The following PDE4B variants were observed in gnomAD, a reference collection of about 807,000 sequenced individuals.
The protein encoded by PDE4B is phosphodiesterase 4B, also known as 3',5'-cyclic-AMP phosphodiesterase 4B.
Under a neutral mutation model 82.2 loss-of-function variants are expected in PDE4B, and 20 were observed. The ratio of observed to expected loss-of-function variants is 0.24; its 90% CI spans 0.17 to 0.35. PDE4B has a LOEUF of 0.35. Among genes scored for constraint, PDE4B ranks in the 10% least tolerant of loss-of-function variants. The pLI is 1.00. For synonymous variants in PDE4B, 320 were observed against 318.9 expected (o/e 1.00, Z -0.04); for missense variants, 655 against 907.2 (o/e 0.72, Z 3.57).
chr1:65,829,375 T>C (rs1423910083), intron 1 of PDE4B, among the ~76,000 whole-genome samples: 1 of 152,108 alleles, frequency 6.6e-6, no homozygotes, highest in East Asian at 1.9e-4. Context: ...ACTTCAACAC[T>C]CCTTTCTTAT....
intron 12 of PDE4B, among the ~76,000 whole-genome samples, chr1:66,364,133 T>C (rs773063954): frequency 2.0e-5 from 3 of 152,172 alleles, no homozygotes; most frequent in Non-Finnish European, 2.9e-5. Context: ...ATTACTTATC[T>C]GAACTGCCCA....
intron 3 of PDE4B, among the ~76,000 whole-genome samples, chr1:65,988,228 A>G (rs1428579284): frequency 6.6e-6 from 1 of 152,246 alleles, no homozygotes; most frequent in Non-Finnish European, 1.5e-5. Flanking sequence ...AAGAGTTGCC[A>G]GTTAATTTTC....
chr1:65,952,487 C>T (rs554371226), intron 3 of PDE4B, among the ~76,000 whole-genome samples: 263 of 152,026 alleles, frequency 1.7e-3, no homozygotes, highest in African/African-American at 6.1e-3. Flanking sequence ...TTGAGATCAG[C>T]GTGGTCAACA....
chr1:66,371,265 A>G (rs558638991), intron 16 of PDE4B, among the ~76,000 whole-genome samples: 1 of 150,864 alleles, frequency 6.6e-6, no homozygotes, highest in South Asian at 2.1e-4. Flanking sequence ...AGAGACCTAT[A>G]TAATGTCCCA....
intron 3 of PDE4B, among the ~76,000 whole-genome samples, chr1:65,949,218 T>C (rs1054286024): frequency 2.0e-5 from 3 of 152,136 alleles, no homozygotes; most frequent in African/African-American, 7.2e-5. Context: ...CTTCTGACCT[T>C]ATTGCCTTGG....
At chr1:66,344,806 T>C (rs1661264477) in intron 8 of PDE4B, among the ~76,000 whole-genome samples, 3 of 152,200 alleles carry the variant, frequency 2.0e-5, no homozygotes, top group Admixed American at 2.0e-4. Flanking sequence ...GATCCAGGAC[T>C]TCATTTCCCA....
At chr1:66,142,780 T>C (rs1646198232) in intron 3 of PDE4B, among the ~76,000 whole-genome samples, 1 of 152,222 alleles carries the variant, frequency 6.6e-6, no homozygotes, top group South Asian at 2.1e-4. Context: ...GATCTTTTGT[T>C]ATCTGTCCAC....
At chr1:66,237,853 C>T (rs187665549) in intron 3 of PDE4B, among the ~76,000 whole-genome samples, 11 of 152,246 alleles carry the variant, frequency 7.2e-5, no homozygotes, top group Admixed American at 2.6e-4. Context: ...TTGTTCATAA[C>T]CTGCAGTATG....
chr1:66,347,297 T>A (rs1661469908), intron 8 of PDE4B, among the ~76,000 whole-genome samples: 1 of 152,192 alleles, frequency 6.6e-6, no homozygotes, highest in African/African-American at 2.4e-5. Flanking sequence ...CCCAACTACC[T>A]TTTTTAATAG....
At chr1:66,168,099 C>G (rs140021715) in intron 3 of PDE4B, among the ~76,000 whole-genome samples, 1 of 152,146 alleles carries the variant, frequency 6.6e-6, no homozygotes, top group African/African-American at 2.4e-5. Flanking sequence ...ATGAACTAGA[C>G]CAACTATCTT....
chr1:65,951,722 A>T (rs1044842291), intron 3 of PDE4B, among the ~76,000 whole-genome samples: 2 of 151,982 alleles, frequency 1.3e-5, no homozygotes, highest in African/African-American at 4.8e-5. Flanking sequence ...CTTTAAATTG[A>T]CCTCTCCAAA....
chr1:66,144,331 T>C (rs564594699), intron 3 of PDE4B, among the ~76,000 whole-genome samples: 9 of 152,322 alleles, frequency 5.9e-5, no homozygotes, highest in Admixed American at 1.3e-4. Context: ...AGGTATATGA[T>C]GAGACCCTTC....
chr1:66,256,292 A>G (rs937121064), intron 4 of PDE4B, among the ~76,000 whole-genome samples: 2 of 152,238 alleles, frequency 1.3e-5, no homozygotes, highest in African/African-American at 4.8e-5. Flanking sequence ...CAGTTCTTCT[A>G]CTTACTAGGT....
At chr1:66,201,294 G>C in intron 3 of PDE4B, among the ~76,000 whole-genome samples, 1 of 152,102 alleles carries the variant, frequency 6.6e-6, no homozygotes, top group East Asian at 1.9e-4. Flanking sequence ...CAAGGATATT[G>C]GTCTAAAATT....
intron 1 of PDE4B, among the ~76,000 whole-genome samples, chr1:65,859,656 C>A (rs2100249139): frequency 6.6e-6 from 1 of 152,162 alleles, no homozygotes; most frequent in East Asian, 1.9e-4. Context: ...AATTAATGGT[C>A]AATATATGCT....
chr1:65,977,071 A>G (rs1017521184), intron 3 of PDE4B, among the ~76,000 whole-genome samples: 1 of 152,164 alleles, frequency 6.6e-6, no homozygotes, highest in Non-Finnish European at 1.5e-5. Flanking sequence ...CTGTAAATCT[A>G]TTTTTAGGAA....
At chr1:66,166,953 T>G (rs1251605019) in intron 3 of PDE4B, among the ~76,000 whole-genome samples, 1 of 152,148 alleles carries the variant, frequency 6.6e-6, no homozygotes, top group Non-Finnish European at 1.5e-5. Context: ...GAAAGTAGAC[T>G]GTCATACCAT....
chr1:65,924,077 A>ATTTTTTTTTTTTTTTTTTTTTTTTTTT lies in PDE4B; in HGVS notation c.281+5257_281+5258insTTTTTTTTTTTTTTTTTTTTTTTTTTT, dbSNP rs71058436. ...TTCTAATCTGCCTTCCAGTTTGCTA[A>ATTTTTTTTTTTTTTTTTTTTTTTTTTT]TTTTTTTTTTTTTTTGAGACGGAGT... On this transcript the variant is annotated intron_variant, in intron 3 of 16. Coordinates refer to ENST00000341517, the MANE Select transcript of PDE4B (RefSeq NM_002600.4). 2.5e-4 allele frequency among the ~76,000 whole-genome samples: 10 copies of ATTTTTTTTTTTTTTTTTTTTTTTTTTT among 40,788 alleles called. 5 individuals are homozygous for ATTTTTTTTTTTTTTTTTTTTTTTTTTT. The highest frequency in any genetic ancestry group is 2.1e-4 in the Non-Finnish European group (4 of 19,266). The allele number at this position is 40,788 out of a possible 152,430, so 26.8% of individuals were successfully genotyped here.
intron 3 of PDE4B, among the ~76,000 whole-genome samples, chr1:65,983,681 A>G (rs1469379398): frequency 6.6e-6 from 1 of 152,080 alleles, no homozygotes. Context: ...TTCCCTCACA[A>G]CCCTCAGAGG....
Sources: allele counts gnomAD v4.1 joint callset (sites outside exome capture counted in the v4.1 genomes callset), GRCh38; gene constraint gnomAD v4.1.1; transcripts MANE v1.5; gene names NCBI Gene and HGNC (gene_info 2026-07-23, HGNC 2026-07-21).